Variants in TASP1 observed in about 807,000 individuals in gnomAD.
TASP1 encodes the protein taspase 1, also known as threonine aspartase 1.
Under a neutral mutation model 56.6 loss-of-function variants are expected in TASP1, and 16 were observed. That is an observed-to-expected ratio of 0.28 (90% CI 0.19 to 0.43). The LOEUF (loss-of-function observed/expected upper bound fraction) is 0.43. Among genes scored for constraint, TASP1 ranks in the 20% least tolerant of loss-of-function variants. The pLI is 1.00. For missense variants in TASP1, 393 were observed against 511.6 expected (o/e 0.77, Z 2.24); for synonymous variants, 179 against 184.2 (o/e 0.97, Z 0.23).
At chr20:13,374,073 G>A in the TASP1 span, among the ~76,000 whole-genome samples, 2 of 152,092 alleles carry the variant, frequency 1.3e-5, no homozygotes, top group African/African-American at 4.8e-5. Flanking sequence ...CTTGACACCA[G>A]AATTACCATT....
chr20:13,374,333 C>G, the TASP1 span, among the ~76,000 whole-genome samples: 1 of 147,854 alleles, frequency 6.8e-6, no homozygotes. Context: ...GTTCCTGTTT[C>G]TTTTGCTGTC....
chr20:13,593,542 A>G (rs1255423568), intron 4 of TASP1, among the ~76,000 whole-genome samples: 1 of 152,218 alleles, frequency 6.6e-6, no homozygotes, highest in Admixed American at 6.5e-5. Context: ...GCAGACCAGG[A>G]GATTCTCTCC....
the TASP1 span, among the ~76,000 whole-genome samples, chr20:13,341,004 T>G: frequency 6.6e-6 from 1 of 152,218 alleles, no homozygotes; most frequent in Admixed American, 6.5e-5. Context: ...AGTAATATTA[T>G]GTGCTGAGTC....
intron 11 of TASP1, among the ~76,000 whole-genome samples, chr20:13,462,196 A>C (rs1036727758): frequency 6.6e-6 from 1 of 152,184 alleles, no homozygotes; most frequent in Non-Finnish European, 1.5e-5. Flanking sequence ...CCACATAAGT[A>C]GCTTTTAAAG....
At chr20:13,497,054 C>T (rs1452792625) in intron 10 of TASP1, among the ~76,000 whole-genome samples, 2 of 152,070 alleles carry the variant, frequency 1.3e-5, no homozygotes, top group African/African-American at 2.4e-5. Context: ...CAAAAGAAAC[C>T]CCATTCACTA....
At chr20:13,187,105 C>G in the TASP1 span, among the ~76,000 whole-genome samples, 1 of 152,076 alleles carries the variant, frequency 6.6e-6, no homozygotes, top group Non-Finnish European at 1.5e-5. Flanking sequence ...TGATGGGGCT[C>G]ATCAGGAGAT....
the TASP1 span, among the ~76,000 whole-genome samples, chr20:13,195,939 T>C: frequency 1.3e-5 from 2 of 152,160 alleles, no homozygotes; most frequent in Non-Finnish European, 2.9e-5. Flanking sequence ...CCAGAAAAGA[T>C]AAAACACACG....
chr20:13,402,853 T>A (rs1314976137), intron 13 of TASP1, among the ~76,000 whole-genome samples: 1 of 152,230 alleles, frequency 6.6e-6, no homozygotes, highest in East Asian at 1.9e-4. Flanking sequence ...CACTGCCCAG[T>A]GCTCAGTGGA....
chr20:13,480,322 G>A (rs144326708), intron 11 of TASP1, among the ~76,000 whole-genome samples: 1,687 of 152,270 alleles, frequency 0.011, 14 homozygotes, highest in Non-Finnish European at 0.019. Context: ...CCAGAACATT[G>A]TTCTTCTGTA....
downstream of TASP1, among the ~76,000 whole-genome samples, chr20:13,384,740 T>C (rs1339520447): frequency 2.0e-5 from 3 of 152,200 alleles, no homozygotes; most frequent in Non-Finnish European, 4.4e-5. Flanking sequence ...TTCCTTCCCC[T>C]GGTTAATCGG....
chr20:13,137,595 A>G, the TASP1 span, among the ~76,000 whole-genome samples: 2 of 152,164 alleles, frequency 1.3e-5, no homozygotes, highest in African/African-American at 2.4e-5. Context: ...TGCTGAGAAC[A>G]TCAGAGAGGC....
chr20:13,201,746 A>T, the TASP1 span, among the ~76,000 whole-genome samples: 1 of 151,226 alleles, frequency 6.6e-6, no homozygotes, highest in Non-Finnish European at 1.5e-5. Flanking sequence ...GGGCTCTGAG[A>T]TGGTAAACTT....
chr20:13,420,894 G>C (rs1459419629), intron 12 of TASP1, among the ~76,000 whole-genome samples: 1 of 152,074 alleles, frequency 6.6e-6, no homozygotes, highest in Admixed American at 6.6e-5. Flanking sequence ...ACTCAGTATA[G>C]ATAAGGATTT....
the TASP1 span, among the ~76,000 whole-genome samples, chr20:13,351,773 T>A: frequency 6.6e-6 from 1 of 152,318 alleles, no homozygotes; most frequent in Non-Finnish European, 1.5e-5. Flanking sequence ...TTTTGCTCTA[T>A]ATAAATTGAA....
chr20:13,562,718 A>T (rs1601255482), intron 7 of TASP1, among the ~76,000 whole-genome samples: 2 of 151,634 alleles, frequency 1.3e-5, no homozygotes, highest in East Asian at 3.9e-4. Context: ...CTCTATAAAA[A>T]ATACAAAAAT....
chr20:13,181,319 G>A, the TASP1 span, among the ~76,000 whole-genome samples: 4 of 152,098 alleles, frequency 2.6e-5, no homozygotes, highest in African/African-American at 4.8e-5. Context: ...AACCCTTTAC[G>A]GCAGTCTTTC....
At chr20:13,257,783 C>T in the TASP1 span, among the ~76,000 whole-genome samples, 2 of 151,748 alleles carry the variant, frequency 1.3e-5, no homozygotes, top group Non-Finnish European at 2.9e-5. Context: ...GAATTAAATC[C>T]ACAGTGTACT....
the TASP1 span, among the ~76,000 whole-genome samples, chr20:13,196,920 C>G: frequency 6.6e-6 from 1 of 152,130 alleles, no homozygotes; most frequent in Non-Finnish European, 1.5e-5. Context: ...CAATTGTTTA[C>G]TTGTATATTG....
chr20:13,634,029 G>T (rs140517986), intron 1 of TASP1, among the ~76,000 whole-genome samples: 2 of 152,078 alleles, frequency 1.3e-5, no homozygotes. Flanking sequence ...TATGACCCAA[G>T]AATTCCATTT....
Sources: gnomAD v4.1 joint callset for allele counts (sites outside exome capture counted in the v4.1 genomes callset) on GRCh38, gnomAD v4.1.1 for gene constraint, MANE v1.5 for transcripts, NCBI Gene and HGNC (gene_info 2026-07-23, HGNC 2026-07-21) for gene names.